CALN1: variants seen among roughly 807,000 people sequenced by gnomAD.
CALN1 encodes calneuron 1.
Under a neutral mutation model 30.6 loss-of-function variants are expected in CALN1, and 17 were observed. The observed-to-expected ratio is 0.56, with a 90% CI of 0.38 to 0.83. The LOEUF is 0.83. CALN1 is among the 40% of genes least tolerant of loss of function. The pLI is 0.00. For synonymous variants in CALN1, 156 were observed against 131.4 expected, an observed-to-expected ratio of 1.19 and a Z score of -1.28; for missense variants, 291 against 354.9, an observed-to-expected ratio of 0.82 and a Z score of 1.45.
At chr7:72,115,484 C>CTTTTTTTT (rs71069026) in intron 3 of CALN1, among the ~76,000 whole-genome samples, 2 of 80,598 alleles carry the variant, frequency 2.5e-5, no homozygotes, top group Admixed American at 1.8e-4. Flanking sequence ...CATATACATT[C>CTTTTTTTT]TTTTTTTTTT....
At chr7:72,310,528 C>T (rs1799966041) in intron 2 of CALN1, among the ~76,000 whole-genome samples, 1 of 151,646 alleles carries the variant, frequency 6.6e-6, no homozygotes, top group Admixed American at 6.6e-5. Context: ...TTAGATAATA[C>T]CTTGGGTAGT....
intron 2 of CALN1, among the ~76,000 whole-genome samples, chr7:72,348,125 A>T (rs192548449): frequency 1.3e-5 from 2 of 152,100 alleles, no homozygotes; most frequent in African/African-American, 4.8e-5. Flanking sequence ...TGTCTCAAAG[A>T]AAAAAAAGAA....
At chr7:71,845,693 G>T (rs1790189696) in intron 5 of CALN1, among the ~76,000 whole-genome samples, 1 of 152,156 alleles carries the variant, frequency 6.6e-6, no homozygotes, top group Admixed American at 6.6e-5. Context: ...GTGGCATCCA[G>T]CACCCAGAAT....
intron 4 of CALN1, among the ~76,000 whole-genome samples, chr7:72,054,389 C>T (rs1461203325): frequency 9.1e-6 from 1 of 110,432 alleles, no homozygotes; most frequent in African/African-American, 3.7e-5. Flanking sequence ...TGCTTGTTGG[C>T]TGCATATATG....
intron 2 of CALN1, among the ~76,000 whole-genome samples, chr7:72,317,084 G>GAGAGAGAGAGAAAGAA (rs1554367048): frequency 9.1e-6 from 1 of 109,722 alleles, no homozygotes; most frequent in African/African-American, 3.3e-5. Flanking sequence ...CACAGAAAGA[G>GAGAGAGAGAGAAAGAA]AGAGAGAGAG....
intron 2 of CALN1, among the ~76,000 whole-genome samples, chr7:72,300,043 G>T (rs2129555560): frequency 6.6e-6 from 1 of 152,128 alleles, no homozygotes; most frequent in South Asian, 2.1e-4. Flanking sequence ...ACCATGCCCA[G>T]CTAATTTTTT....
intron 1 of CALN1, among the ~76,000 whole-genome samples, chr7:72,422,588 C>A (rs1291199755): frequency 3.3e-5 from 5 of 152,216 alleles, no homozygotes; most frequent in Non-Finnish European, 7.3e-5. Context: ...TCGTCCTCCG[C>A]AAGTGCTTCC....
At chr7:72,276,980 A>G (rs528229472) in intron 3 of CALN1, among the ~76,000 whole-genome samples, 9 of 152,342 alleles carry the variant, frequency 5.9e-5, no homozygotes, top group African/African-American at 1.9e-4. Flanking sequence ...GGCCCTCCCC[A>G]GACATCAAAT....
intron 5 of CALN1, among the ~76,000 whole-genome samples, chr7:71,894,546 C>T (rs1028041696): frequency 6.6e-6 from 1 of 152,194 alleles, no homozygotes; most frequent in African/African-American, 2.4e-5. Flanking sequence ...GGTGGGATTA[C>T]AGGCATGAGC....
chr7:72,243,342 C>A (rs1794964369), intron 3 of CALN1, among the ~76,000 whole-genome samples: 1 of 152,196 alleles, frequency 6.6e-6, no homozygotes, highest in South Asian at 2.1e-4. Context: ...GAGAAACAAA[C>A]TTTTGTTATT....
At chr7:72,302,893 C>CAAAAAAA (rs71069055) in intron 2 of CALN1, among the ~76,000 whole-genome samples, 27 of 48,748 alleles carry the variant, frequency 5.5e-4, no homozygotes, top group Admixed American at 7.2e-4. Context: ...GTGAGGGTCT[C>CAAAAAAA]AAAAAAAAAA....
chr7:72,078,578 G>A (rs1040586701), intron 4 of CALN1, among the ~76,000 whole-genome samples: 12 of 152,066 alleles, frequency 7.9e-5, no homozygotes, highest in South Asian at 2.1e-4. Flanking sequence ...CCAGATTGTC[G>A]AGCAACTCTA....
rs189380941 is a variant in CALN1, at chr7:71,919,830, C to T, written c.501+103827G>A. ...AAAGTTACCAGTGGTCCGCGAGGAC[C>T]TAGTTGAAGCTGAACTCAAACTAAA... On this transcript the variant is annotated intron_variant, in intron 5 of 6. Transcript: ENST00000395275. Among the ~76,000 whole-genome samples the T allele has an allele frequency of 1.9e-3, 291 of 152,306 alleles. 2 individuals carry two copies. Among genetic ancestry groups the T allele is most frequent in the Non-Finnish European group, 2.1e-3 (142 of 68,032 alleles).
chr7:72,397,748 A>ACACACACACACC lies in CALN1; in HGVS notation c.119+5502_119+5503insGGTGTGTGTGTG, dbSNP rs1316537371. 5.4e-5 allele frequency among the ~76,000 whole-genome samples: 8 copies of ACACACACACACC among 149,198 alleles called. No homozygotes were observed. In the East Asian group the frequency reaches 1.6e-3, roughly 30 times the overall value. ...CACACACACACACACACACACACAC[A>ACACACACACACC]CACCTTGCTCCAACCAAAGTGGGTC... On this transcript the variant is annotated intron_variant, in intron 2 of 6. Transcript: ENST00000395275.
chr7:72,431,408 G>A (rs1324496274), intron 1 of CALN1, among the ~76,000 whole-genome samples: 1 of 152,044 alleles, frequency 6.6e-6, no homozygotes, highest in Non-Finnish European at 1.5e-5. Context: ...CAGCACACAC[G>A]CACACATGTG....
chr7:72,178,315 A>G (rs1378644567), intron 3 of CALN1, among the ~76,000 whole-genome samples: 4 of 150,894 alleles, frequency 2.7e-5, no homozygotes, highest in African/African-American at 4.8e-5. Flanking sequence ...AATGGGAAGT[A>G]TAACTGTTGG....
intron 4 of CALN1, among the ~76,000 whole-genome samples, chr7:72,049,517 T>C (rs1375534579): frequency 2.0e-5 from 3 of 152,178 alleles, no homozygotes; most frequent in Admixed American, 6.5e-5. Context: ...GTAGGATTTA[T>C]TTATTTAGAG....
chr7:72,320,509 T>C (rs889378004), intron 2 of CALN1, among the ~76,000 whole-genome samples: 2 of 152,058 alleles, frequency 1.3e-5, no homozygotes, highest in African/African-American at 4.8e-5. Flanking sequence ...AAAGAAGTAC[T>C]CTGCAGACAC....
At chr7:72,147,774 A>G (rs1437758522) in intron 3 of CALN1, among the ~76,000 whole-genome samples, 1 of 152,098 alleles carries the variant, frequency 6.6e-6, no homozygotes, top group Non-Finnish European at 1.5e-5. Context: ...AGCCATAAAA[A>G]ATAATGAGTT....
Sources: gnomAD v4.1 joint callset for allele counts (sites outside exome capture counted in the v4.1 genomes callset) on GRCh38, gnomAD v4.1.1 for gene constraint, MANE v1.5 for transcripts, NCBI Gene and HGNC (gene_info 2026-07-23, HGNC 2026-07-21) for gene names.